The following CCDC85A variants were observed in gnomAD, a reference collection of about 807,000 sequenced individuals.
CCDC85A encodes coiled-coil domain-containing protein 85A.
A neutral mutation model predicts 50.2 loss-of-function variants in CCDC85A; 38 were observed. The observed-to-expected ratio is 0.76, with a 90% CI of 0.58 to 0.99. The LOEUF is 0.99. CCDC85A is among the 50% of genes least tolerant of loss of function. The pLI is 0.00. For missense variants in CCDC85A, 820 were observed against 742.0 expected (o/e 1.11, Z -1.22); for synonymous variants, 366 against 301.4 (o/e 1.21, Z -2.22).
intron 2 of CCDC85A, among the ~76,000 whole-genome samples, chr2:56,277,170 G>C (rs961927138): frequency 6.6e-6 from 1 of 152,070 alleles, no homozygotes; most frequent in African/African-American, 2.4e-5. Context: ...GTACCAAGTT[G>C]CCAACTTCCT....
At chr2:56,300,900 A>T (rs937097118) in intron 2 of CCDC85A, among the ~76,000 whole-genome samples, 3 of 152,184 alleles carry the variant, frequency 2.0e-5, no homozygotes, top group Non-Finnish European at 4.4e-5. Flanking sequence ...GGTTTGAGTC[A>T]CATTTAATCA....
At chr2:56,335,410 A>G (rs1402084169) in intron 2 of CCDC85A, among the ~76,000 whole-genome samples, 2 of 152,128 alleles carry the variant, frequency 1.3e-5, no homozygotes, top group Non-Finnish European at 2.9e-5. Flanking sequence ...TTGCTGAGAG[A>G]GACTATCTTA....
chr2:56,308,279 C>T (rs1312647561), intron 2 of CCDC85A, among the ~76,000 whole-genome samples: 1 of 152,148 alleles, frequency 6.6e-6, no homozygotes, highest in African/African-American at 2.4e-5. Flanking sequence ...ACAACTCCTC[C>T]CTTCCTCCCA....
intron 2 of CCDC85A, among the ~76,000 whole-genome samples, chr2:56,197,001 G>A (rs1676551789): frequency 6.6e-6 from 1 of 152,000 alleles, no homozygotes; most frequent in Admixed American, 6.5e-5. Flanking sequence ...CATCACTCCA[G>A]CCAATGAGAG....
At position 56,298,720 on chromosome 2, in the gene CCDC85A, T is replaced by C. The variant is rs1476832503; in HGVS notation, c.1241-44159T>C. Reference sequence around the variant, plus strand: ...CATCACTAATCTAGAGATCGGAGAATAGGTGGGAATTAGGAGAGGCAGTGA... The same window carrying C: ...CATCACTAATCTAGAGATCGGAGAACAGGTGGGAATTAGGAGAGGCAGTGA... On this transcript the variant is annotated intron_variant, in intron 2 of 5. Coordinates refer to ENST00000407595, the MANE Select transcript of CCDC85A (RefSeq NM_001080433.2). Among the ~76,000 whole-genome samples the C allele has an allele frequency of 4.6e-5, 7 of 152,136 alleles. 1 individual carries two copies. The South Asian group carries it at 1.4e-3, about 31-fold the overall frequency.
intron 2 of CCDC85A, among the ~76,000 whole-genome samples, chr2:56,248,595 G>A (rs1040603819): frequency 3.9e-5 from 6 of 152,306 alleles, no homozygotes; most frequent in African/African-American, 7.2e-5. Context: ...AGTGGCTTCC[G>A]ACAAGGCAGA....
At chr2:56,267,102 T>C (rs1670483686) in intron 2 of CCDC85A, among the ~76,000 whole-genome samples, 1 of 152,188 alleles carries the variant, frequency 6.6e-6, no homozygotes, top group African/African-American at 2.4e-5. Flanking sequence ...AAATATGTTC[T>C]TGGGCTTGGT....
chr2:56,223,160 G>A (rs570123181), intron 2 of CCDC85A, among the ~76,000 whole-genome samples: 1 of 152,290 alleles, frequency 6.6e-6, no homozygotes, highest in East Asian at 1.9e-4. Context: ...TTAATGAGGT[G>A]AATGCTTTGA....
At chr2:56,382,429 G>T (rs1458810594) in intron 5 of CCDC85A, among the ~76,000 whole-genome samples, 1 of 151,938 alleles carries the variant, frequency 6.6e-6, no homozygotes, top group Admixed American at 6.6e-5. Context: ...ACCATCATGT[G>T]GGTTAGTATG....
At chr2:56,198,410 T>A (rs1326597815) in intron 2 of CCDC85A, among the ~76,000 whole-genome samples, 1 of 152,204 alleles carries the variant, frequency 6.6e-6, no homozygotes, top group African/African-American at 2.4e-5. Flanking sequence ...GACAGATGGT[T>A]AAAGAAATAA....
chr2:56,384,485 A>G lies in CCDC85A; in HGVS notation c.*130A>G, dbSNP rs1402045358. 3 of 704,518 alleles carry G rather than the reference A, an allele frequency of 4.3e-6. No homozygotes were observed. Among genetic ancestry groups the G allele is most frequent in the South Asian group, 1.8e-5 (1 of 56,540 alleles). 43.6% of individuals were successfully genotyped at this position (704,518 alleles called of 1,614,324 possible). A position where few individuals can be genotyped will look rare whatever the true frequency, so the allele number is the denominator to read the frequency against. On this transcript the variant is annotated 3_prime_UTR_variant, in exon 6 of 6. Coordinates refer to ENST00000407595, the MANE Select transcript of CCDC85A (RefSeq NM_001080433.2). ...CATGGAGTGATTGTACATTGCACAT[A>G]TCTCCCCTCTAAAACCTGTAGTACA...
Position 56,232,628 on chromosome 2 carries a change from G to T in CCDC85A, c.1240+39188G>T, listed in dbSNP as rs529877485. Among the ~76,000 whole-genome samples the T allele has an allele frequency of 3.9e-5, 6 of 152,144 alleles. No homozygotes were observed. In the South Asian group the frequency reaches 6.2e-4, roughly 16 times the overall value. On this transcript the variant is annotated intron_variant, in intron 2 of 5. Transcript: ENST00000407595. ...TCCACTATGATTGTAAGTTTCCTGA[G>T]GCCTCTAGCCACACAGAACTGTGAG...
intron 2 of CCDC85A, among the ~76,000 whole-genome samples, chr2:56,301,367 C>T (rs1262197894): frequency 1.3e-5 from 2 of 152,138 alleles, no homozygotes; most frequent in African/African-American, 4.8e-5. Context: ...GACCTTCTTA[C>T]CACCTGTGAC....
chr2:56,356,731 GA>G (rs1553416778), intron 3 of CCDC85A, among the ~76,000 whole-genome samples: 33 of 104,332 alleles, frequency 3.2e-4, no homozygotes, highest in Admixed American at 1.0e-3. Flanking sequence ...CCATCTCAAG[GA>G]AAAAAAAAAA....
chr2:56,340,061 G>A (rs1368699287), intron 2 of CCDC85A, among the ~76,000 whole-genome samples: 1 of 152,108 alleles, frequency 6.6e-6, no homozygotes, highest in East Asian at 1.9e-4. Flanking sequence ...AATGGTGTGA[G>A]GTCTGTGGGT....
chr2:56,362,095 G>A (rs566543753), intron 3 of CCDC85A, among the ~76,000 whole-genome samples: 3 of 152,254 alleles, frequency 2.0e-5, no homozygotes, highest in African/African-American at 4.8e-5. Context: ...TCATAGGTTG[G>A]GCACTGACAG....
At chr2:56,332,237 A>G (rs1673841692) in intron 2 of CCDC85A, among the ~76,000 whole-genome samples, 1 of 152,050 alleles carries the variant, frequency 6.6e-6, no homozygotes, top group Non-Finnish European at 1.5e-5. Flanking sequence ...ACCCCCCCAC[A>G]CCTAATTCTG....
intron 1 of CCDC85A, among the ~76,000 whole-genome samples, chr2:56,191,799 G>A (rs1405523280): frequency 6.6e-6 from 1 of 152,170 alleles, no homozygotes. Context: ...GGGCTGAAAT[G>A]CCACTAGAGG....
intron 3 of CCDC85A, among the ~76,000 whole-genome samples, chr2:56,369,411 A>G (rs1191767392): frequency 6.6e-6 from 1 of 152,142 alleles, no homozygotes; most frequent in African/African-American, 2.4e-5. Context: ...TTCATGTTTA[A>G]GTACAGAGAA....
Sources: allele counts gnomAD v4.1 joint callset (sites outside exome capture counted in the v4.1 genomes callset), GRCh38; gene constraint gnomAD v4.1.1; transcripts MANE v1.5; gene names NCBI Gene and HGNC (gene_info 2026-07-23, HGNC 2026-07-21).